The following ARAP1 variants were observed in gnomAD, a reference collection of about 807,000 sequenced individuals.
ARAP1 encodes the protein arf-GAP with Rho-GAP domain, ANK repeat and PH domain-containing protein 1.
ARAP1 carries 76 observed loss-of-function variants against 172.2 expected under a neutral mutation model. That is an observed-to-expected ratio of 0.44 (90% CI 0.37 to 0.53). ARAP1 has a LOEUF of 0.53. ARAP1 is among the 20% of genes least tolerant of loss of function. The pLI, the probability that ARAP1 is intolerant of heterozygous loss-of-function variation, is 0.00. For synonymous variants in ARAP1, 804 were observed against 803.3 expected, an observed-to-expected ratio of 1.00 and a Z score of -0.01; for missense variants, 1,686 against 1,977.5, an observed-to-expected ratio of 0.85 and a Z score of 2.80.
rs1238790434 is a variant in ARAP1 at position 72,741,916 on chromosome 11, C to T, written c.-127-9319G>A. On this transcript the variant is annotated intron_variant, in intron 1 of 34. Transcript: ENST00000393609. The surrounding 1 kb of genome is among the most constrained non-coding windows in gnomAD (Gnocchi z 4.5). Reference sequence around the variant, plus strand: ...GGACTTGGTGGGCTCCTCTGTACCCCAGAACTAGGGGTGCAGGGGAACAGG... The same window carrying T: ...GGACTTGGTGGGCTCCTCTGTACCCTAGAACTAGGGGTGCAGGGGAACAGG... 6.6e-6 allele frequency among the ~76,000 whole-genome samples: 1 copy of T among 152,132 alleles called. No individual in the cohort carries two copies. The highest frequency in any genetic ancestry group is 1.9e-4 in the East Asian group (1 of 5,196).
chr11:72,695,206 G>T lies in ARAP1; in HGVS notation c.3577-109C>A. On this transcript the variant is annotated intron_variant, in intron 26 of 34. Transcript: ENST00000393609. This position sits in a 1 kb window ranked among gnomAD's most constrained non-coding sequence, Gnocchi z 4.4. ...CCCATCCTTCTCAGGCCCTTCTGGA[G>T]TCCTGGGATAGAGAGGGGTATTTCT... The T allele has an allele frequency of 7.3e-7, 1 of 1,376,078 alleles. No homozygotes were observed. 85.2% of individuals were successfully genotyped at this position (1,376,078 alleles called of 1,614,324 possible). A position where few individuals can be genotyped will look rare whatever the true frequency, so the allele number is the denominator to read the frequency against.
chr11:72,689,565 G>C (rs1341343637), intron 30 of ARAP1: 1 of 152,484 alleles, frequency 6.6e-6, no homozygotes, highest in Admixed American at 6.5e-5. Context: ...AGGGGAAGGG[G>C]AAGTTTTGGG....
chr11:72,695,762 G>A lies in ARAP1; in HGVS notation c.3376C>T (p.Arg1126Cys), dbSNP rs768814992. Reference protein sequence around the residue: ...QTDGQDYKAGRVVEDLINHYV... With the variant: ...QTDGQDYKAGCVVEDLINHYV... The stretch of plus-strand genomic sequence containing the variant: ...TGGTTAATGAGGTCTTCCACCACAC[G>A]GCCAGCCTTGTAGTCCTGCCCATCT... Residue 1126 changes from arginine to cysteine, a missense_variant, in exon 24 of 35, where the codon CGT (arginine) becomes TGT (cysteine). Coordinates refer to ENST00000393609, the MANE Select transcript of ARAP1 (RefSeq NM_001040118.3). This position sits in a 1 kb window ranked among gnomAD's most constrained non-coding sequence, Gnocchi z 4.4. The A allele has an allele frequency of 5.0e-6, 8 of 1,614,094 alleles. No individual in the cohort carries two copies. Among genetic ancestry groups the A allele is most frequent in the East Asian group, 4.5e-5 (2 of 44,902 alleles).
intron 18 of ARAP1, 69 bp downstream of exon 18, chr11:72,698,936 G>T: frequency 1.3e-6 from 2 of 1,493,458 alleles, no homozygotes; most frequent in Non-Finnish European, 1.9e-6. Context: ...GGGATACATG[G>T]GATTGGCCAG....
intron 31 of ARAP1, 141 bp downstream of exon 31, chr11:72,688,314 G>T (rs1855778465): frequency 1.5e-6 from 1 of 685,650 alleles, no homozygotes; most frequent in Non-Finnish European, 2.5e-6. Flanking sequence ...GTGTCCAGGT[G>T]ATGCTGCTGG....
In ARAP1 at chr11:72,726,658, G is replaced by A. The variant is rs930811647; in HGVS notation, c.471C>T (p.Pro157=). The change falls in exon 3 of 35, where the codon CCC becomes CCT. Residue 157 remains proline (P), a synonymous_variant. Transcript: ENST00000393609. This position sits in a 1 kb window ranked among gnomAD's most constrained non-coding sequence, Gnocchi z 6.5. ...KRHLAELSVP[P]VPPRTGPPRL... ...GGGGGGGTCCGGTGCGGGGCGGCAC[G>A]GGTGGAACGCTCAGCTCTGCCAAAT... The A allele has an allele frequency of 9.1e-6, 14 of 1,538,942 alleles. No individual in the cohort carries two copies. Among genetic ancestry groups the A allele is most frequent in the Admixed American group, 5.8e-5 (3 of 51,976 alleles).
At chr11:72,739,731 C>G (rs940961864) in intron 1 of ARAP1, among the ~76,000 whole-genome samples, 1 of 152,220 alleles carries the variant, frequency 6.6e-6, no homozygotes. Flanking sequence ...ACTCCTCTGC[C>G]GTCAGGCAGT....
rs778876994 is a variant in ARAP1, at chr11:72,693,758, G to C, written c.3742C>G (p.Leu1248Val). Residue 1248 changes from leucine (L) to valine (V), a missense_variant, in exon 28 of 35, where the codon CTG becomes GTG. Physicochemically the swap from Leu to Val is conservative, Grantham distance 32 (BLOSUM62 1). This residue lies in a region of ARAP1 where 379 missense variants were observed against 500.1 expected (regional missense o/e 0.76). Coordinates refer to ENST00000393609, the MANE Select transcript of ARAP1 (RefSeq NM_001040118.3). The surrounding 1 kb of genome is among the most constrained non-coding windows in gnomAD (Gnocchi z 4.6). ...ACCACCAGGTGGCTGTCCGTGCCCA[G>C]CCCGTGCAGGATGGGCAGCACCTTC... ...AEKVLPILHG[L>V]GTDSHLVVKK... is the part of the protein sequence containing the mutation. 1 of 1,610,156 alleles carries C rather than the reference G, an allele frequency of 6.2e-7. No individual in the cohort carries two copies. The highest frequency in any genetic ancestry group is 8.5e-7 in the Non-Finnish European group (1 of 1,178,274).
In ARAP1 at chr11:72,712,359, TGG is replaced by T; in HGVS notation, c.879-22_879-21del. The T allele has an allele frequency of 2.1e-6, 3 of 1,458,552 alleles. No individual in the cohort carries two copies. The highest frequency in any genetic ancestry group is 9.1e-7 in the Non-Finnish European group (1 of 1,098,720). 90.4% of individuals were successfully genotyped at this position (1,458,552 alleles called of 1,614,324 possible). A position where few individuals can be genotyped will look rare whatever the true frequency, so the allele number is the denominator to read the frequency against. ...CCGCCACTAGCGAGAGATGAGGGGA[TGG>T]GGGGCCGGGCTGAGGAGGCAAGGAG... On this transcript the variant is annotated intron_variant, in intron 6 of 34. Transcript: ENST00000393609.
intron 1 of ARAP1, among the ~76,000 whole-genome samples, chr11:72,750,066 T>G (rs1858489465): frequency 6.6e-6 from 1 of 152,190 alleles, no homozygotes. Flanking sequence ...TGGCCATATC[T>G]GCTCCAGCCT....
chr11:72,706,546 C>T (rs1856770535), intron 12 of ARAP1, among the ~76,000 whole-genome samples: 2 of 152,198 alleles, frequency 1.3e-5, no homozygotes, highest in Non-Finnish European at 2.9e-5. Flanking sequence ...TGGGCTCAAC[C>T]CTCTCGCATT....
intron 3 of ARAP1, among the ~76,000 whole-genome samples, chr11:72,717,236 C>T (rs1203560797): frequency 1.3e-5 from 2 of 152,196 alleles, no homozygotes; most frequent in Non-Finnish European, 2.9e-5. Flanking sequence ...TCCATCACTG[C>T]TGCCTCCCAG....
chr11:72,746,616 C>T (rs1202839595), intron 1 of ARAP1, among the ~76,000 whole-genome samples: 1 of 152,214 alleles, frequency 6.6e-6, no homozygotes, highest in Non-Finnish European at 1.5e-5. Flanking sequence ...AAAATTCTAG[C>T]TGCTCAGTGT....
chr11:72,713,075 A>G (rs1857104538), intron 5 of ARAP1, 101 bp downstream of exon 5: 1 of 1,266,210 alleles, frequency 7.9e-7, no homozygotes, highest in African/African-American at 1.5e-5. Flanking sequence ...CCTCCCGGGA[A>G]ATGGCTGCCC....
At chr11:72,712,692 T>C (rs777116611) in intron 5 of ARAP1, 124 bp from the exon 6 acceptor site, 1 of 1,482,238 alleles carries the variant, frequency 6.7e-7, no homozygotes, top group South Asian at 1.2e-5. Flanking sequence ...TTTAGTTCTG[T>C]TTCCTCACAC....
intron 1 of ARAP1, among the ~76,000 whole-genome samples, chr11:72,736,740 A>G (rs991858373): frequency 6.6e-6 from 1 of 151,762 alleles, no homozygotes; most frequent in Non-Finnish European, 1.5e-5. Flanking sequence ...CCCCCACTCA[A>G]AGCCTTTCCA....
At chr11:72,734,971 G>A (rs561867994) in intron 1 of ARAP1, among the ~76,000 whole-genome samples, 6 of 151,800 alleles carry the variant, frequency 4.0e-5, no homozygotes, top group Non-Finnish European at 8.8e-5. Context: ...TATTCATACT[G>A]GAGACTGTAG....
At chr11:72,737,078 C>T (rs1858051164) in intron 1 of ARAP1, among the ~76,000 whole-genome samples, 1 of 152,230 alleles carries the variant, frequency 6.6e-6, no homozygotes, top group Admixed American at 6.5e-5. Flanking sequence ...AGCTCCTAGT[C>T]CTCTGAGGCT....
intron 1 of ARAP1, among the ~76,000 whole-genome samples, chr11:72,744,324 C>A (rs1388413713): frequency 1.3e-5 from 2 of 152,268 alleles, no homozygotes; most frequent in Non-Finnish European, 2.9e-5. Flanking sequence ...ACATGGAGAG[C>A]CAGGCAAATG....
Sources: allele counts gnomAD v4.1 joint callset (sites outside exome capture counted in the v4.1 genomes callset), GRCh38; gene constraint gnomAD v4.1.1; regional missense constraint gnomAD v4.1.1; non-coding constraint Gnocchi (gnomAD v3.1); transcripts MANE v1.5; gene names NCBI Gene and HGNC (gene_info 2026-07-23, HGNC 2026-07-21).